The following CMSS1 variants were observed in gnomAD, a reference collection of about 807,000 sequenced individuals.
CMSS1 encodes the protein protein CMSS1.
In CMSS1, 33 loss-of-function variants were observed where a neutral mutation model predicts 43.5. The ratio of observed to expected loss-of-function variants is 0.76; its 90% confidence interval spans 0.57 to 1.01. CMSS1 has a LOEUF of 1.01. Ranked by LOEUF, CMSS1 falls within the 50% of genes least tolerant of loss-of-function variation. The pLI is 0.00. For synonymous variants in CMSS1, 115 were observed against 117.2 expected (o/e 0.98, Z 0.12); for missense variants, 313 against 326.4 (o/e 0.96, Z 0.32).
intron 1 of CMSS1, among the ~76,000 whole-genome samples, chr3:99,840,134 C>G (rs573690258): frequency 2.0e-5 from 3 of 150,738 alleles, no homozygotes; most frequent in African/African-American, 7.3e-5. Flanking sequence ...GTTACCAGGC[C>G]AAAACCATTA....
At position 100,172,419 on chromosome 3, in the gene CMSS1, A is replaced by G. The variant is rs777110310; in HGVS notation, c.667+16A>G. The G allele has an allele frequency of 4.4e-6, 7 of 1,589,458 alleles. No individual in the cohort carries two copies. The highest frequency in any genetic ancestry group is 6.0e-6 in the Non-Finnish European group (7 of 1,157,970). On this transcript the variant is annotated intron_variant, in intron 8 of 9. Coordinates refer to ENST00000421999, the MANE Select transcript of CMSS1 (RefSeq NM_032359.4). ...GTTAAACAAGGTATGACAAGAGGGCAGTGATACTCTTGCCCAGGGCTGGGA... is the reference window on the plus strand; with the variant it reads ...GTTAAACAAGGTATGACAAGAGGGCGGTGATACTCTTGCCCAGGGCTGGGA...
rs570654382 is a variant in CMSS1, at chr3:100,052,562, G to A, written c.65-94411G>A. On this transcript the variant is annotated intron_variant, in intron 1 of 9. Transcript: ENST00000421999. ...ATGAAGTCTGTCCTCCATTTTCTTGGGCATACATTAGCAATTCAATGCTAG... is the reference window on the plus strand; with the variant it reads ...ATGAAGTCTGTCCTCCATTTTCTTGAGCATACATTAGCAATTCAATGCTAG... Among the ~76,000 whole-genome samples, 106 of 152,140 alleles carry A rather than the reference G, an allele frequency of 7.0e-4. 2 individuals are homozygous for A. The highest frequency in any genetic ancestry group is 3.4e-3 in the Middle Eastern group (1 of 294).
At chr3:100,038,073 A>T (rs1435050154) in intron 1 of CMSS1, among the ~76,000 whole-genome samples, 3 of 150,594 alleles carry the variant, frequency 2.0e-5, no homozygotes, top group African/African-American at 7.3e-5. Context: ...TCCTTGCCTC[A>T]GCCTCCCGAG....
At chr3:99,836,045 G>A (rs1294663117) in intron 1 of CMSS1, among the ~76,000 whole-genome samples, 2 of 152,172 alleles carry the variant, frequency 1.3e-5, no homozygotes, top group Non-Finnish European at 2.9e-5. Flanking sequence ...GAAGGCCATG[G>A]TAGAAGGTTT....
intron 1 of CMSS1, among the ~76,000 whole-genome samples, chr3:100,071,834 T>C (rs1364096867): frequency 6.6e-6 from 1 of 152,200 alleles, no homozygotes; most frequent in Non-Finnish European, 1.5e-5. Context: ...CTTACACTTA[T>C]TGGGCACCCA....
At chr3:100,110,729 C>G (rs908835840) in intron 1 of CMSS1, among the ~76,000 whole-genome samples, 2 of 152,132 alleles carry the variant, frequency 1.3e-5, no homozygotes, top group Non-Finnish European at 1.5e-5. Context: ...CCTGTGCTTA[C>G]CATTTTTCCA....
intron 2 of CMSS1, among the ~76,000 whole-genome samples, chr3:100,149,070 G>A (rs934111984): frequency 6.6e-6 from 1 of 152,092 alleles, no homozygotes; most frequent in African/African-American, 2.4e-5. Flanking sequence ...TTACTTGCAC[G>A]TAGTCTTCTT....
intron 1 of CMSS1, among the ~76,000 whole-genome samples, chr3:99,953,833 G>A (rs1014020573): frequency 2.6e-5 from 4 of 152,130 alleles, no homozygotes; most frequent in Non-Finnish European, 5.9e-5. Context: ...CTTTCATGAG[G>A]AATCCTGTCT....
intron 1 of CMSS1, among the ~76,000 whole-genome samples, chr3:100,041,679 T>C (rs779541682): frequency 6.6e-5 from 10 of 152,186 alleles, no homozygotes; most frequent in African/African-American, 2.4e-4. Flanking sequence ...TGTATTTGGT[T>C]TGGGGAAGGG....
At chr3:99,883,558 A>G (rs1218242939) in intron 1 of CMSS1, among the ~76,000 whole-genome samples, 1 of 152,174 alleles carries the variant, frequency 6.6e-6, no homozygotes, top group South Asian at 2.1e-4. Flanking sequence ...TTTTCTTACC[A>G]TTTTAGACAA....
chr3:100,057,180 G>A (rs1418371859), intron 1 of CMSS1, among the ~76,000 whole-genome samples: 2 of 152,270 alleles, frequency 1.3e-5, no homozygotes, highest in East Asian at 1.9e-4. Flanking sequence ...TGCCTGCCAC[G>A]TGGCTTCTCT....
At chr3:99,867,259 C>T (rs1944564832) in intron 1 of CMSS1, among the ~76,000 whole-genome samples, 1 of 152,114 alleles carries the variant, frequency 6.6e-6, no homozygotes, top group Non-Finnish European at 1.5e-5. Flanking sequence ...TTTAGTTTAT[C>T]TATGTGAGAA....
chr3:100,156,305 T>C (rs1326228631), intron 2 of CMSS1, among the ~76,000 whole-genome samples: 1 of 131,438 alleles, frequency 7.6e-6, no homozygotes, highest in African/African-American at 2.9e-5. Context: ...TTTTCTTTTT[T>C]TTTTTTTTTT....
At chr3:100,014,904 T>C (rs1441159699) in intron 1 of CMSS1, among the ~76,000 whole-genome samples, 1 of 143,028 alleles carries the variant, frequency 7.0e-6, no homozygotes, top group Non-Finnish European at 1.5e-5. Flanking sequence ...TCTTTTTTTT[T>C]TTTTTTTTTT....
rs559305587 is a variant in CMSS1, at chr3:100,138,106, C to T, written c.65-8867C>T. On this transcript the variant is annotated intron_variant, in intron 1 of 9. Transcript: ENST00000421999. The stretch of plus-strand genomic sequence containing the variant: ...AGCAATGGGGAAATGATCTCCTATT[C>T]AATAAATGGTGCTGGGAAAACTGGC... 2.7e-4 allele frequency among the ~76,000 whole-genome samples: 41 copies of T among 152,282 alleles called. 2 individuals carry two copies. In the South Asian group the frequency reaches 8.3e-3, roughly 31 times the overall value.
At chr3:99,905,653 A>G (rs1414888027) in intron 1 of CMSS1, among the ~76,000 whole-genome samples, 3 of 152,214 alleles carry the variant, frequency 2.0e-5, no homozygotes, top group Non-Finnish European at 4.4e-5. Context: ...AAGTTATAGA[A>G]TATTTCCAAC....
At position 99,850,411 on chromosome 3, in the gene CMSS1, T is replaced by A. The variant is rs1473331140; in HGVS notation, c.64+32368T>A. 2 of 1,613,872 alleles carry A rather than the reference T, an allele frequency of 1.2e-6. No individual in the cohort carries two copies. The highest frequency in any genetic ancestry group is 1.7e-6 in the Non-Finnish European group (2 of 1,179,996). ...TAACTTTTCCAGAGCCATAATTCTTTTACTGAGTTTTTCAACCTCTAGTTT... is the reference window on the plus strand; with the variant it reads ...TAACTTTTCCAGAGCCATAATTCTTATACTGAGTTTTTCAACCTCTAGTTT... On this transcript the variant is annotated intron_variant, in intron 1 of 9. Transcript: ENST00000421999.
intron 1 of CMSS1, among the ~76,000 whole-genome samples, chr3:100,043,119 A>G (rs1189883125): frequency 6.6e-6 from 1 of 152,214 alleles, no homozygotes; most frequent in African/African-American, 2.4e-5. Context: ...TGATGGAGAC[A>G]AGTATCCTGT....
At chr3:100,095,080 T>C (rs1258571812) in intron 1 of CMSS1, among the ~76,000 whole-genome samples, 1 of 152,222 alleles carries the variant, frequency 6.6e-6, no homozygotes, top group East Asian at 1.9e-4. Context: ...TTCTCTGTTC[T>C]TTTTCATTGA....
Sources: allele counts gnomAD v4.1 joint callset (sites outside exome capture counted in the v4.1 genomes callset), GRCh38; gene constraint gnomAD v4.1.1; transcripts MANE v1.5; gene names NCBI Gene and HGNC (gene_info 2026-07-23, HGNC 2026-07-21).